Variants in RNF216 observed in about 807,000 individuals in gnomAD.
RNF216 encodes the protein E3 ubiquitin-protein ligase RNF216.
Under a neutral mutation model 110.8 loss-of-function variants are expected in RNF216, and 72 were observed. That is an observed-to-expected ratio of 0.65 (90% CI 0.54 to 0.79). The LOEUF (loss-of-function observed/expected upper bound fraction) is 0.79, where lower values mean the gene tolerates loss of function less well. Ranked by LOEUF, RNF216 falls within the 30% of genes least tolerant of loss-of-function variation. The probability of loss-of-function intolerance (pLI) is 0.00; values close to 1 mark genes in which losing one functional copy is unlikely to be tolerated. For synonymous variants in RNF216, 495 were observed against 407.5 expected, an observed-to-expected ratio of 1.21 and a Z score of -2.59; for missense variants, 1,342 against 1,141.2, an observed-to-expected ratio of 1.18 and a Z score of -2.54.
intron 13 of RNF216, among the ~76,000 whole-genome samples, chr7:5,679,960 T>A (rs908130269): frequency 2.0e-5 from 3 of 152,210 alleles, no homozygotes; most frequent in Admixed American, 2.0e-4. Flanking sequence ...AGCGAGTCCC[T>A]TAGGGTCCTG....
At chr7:5,735,202 G>C (rs1300853517) in intron 5 of RNF216, among the ~76,000 whole-genome samples, 3 of 152,098 alleles carry the variant, frequency 2.0e-5, no homozygotes, top group South Asian at 2.1e-4. Context: ...CAAGACAGGA[G>C]TCTAAAGTCG....
At chr7:5,728,804 C>G (rs1162315596) in intron 7 of RNF216, among the ~76,000 whole-genome samples, 1 of 152,178 alleles carries the variant, frequency 6.6e-6, no homozygotes, top group African/African-American at 2.4e-5. Flanking sequence ...GCAGTAAGAG[C>G]GACCAAGAGG....
intron 13 of RNF216, among the ~76,000 whole-genome samples, chr7:5,665,980 A>C (rs2128590187): frequency 6.6e-6 from 1 of 152,182 alleles, no homozygotes; most frequent in Middle Eastern, 3.4e-3. Flanking sequence ...CCTGGCTAAC[A>C]CGGTGAAACC....
chr7:5,628,145 A>T (rs916405574), intron 15 of RNF216, among the ~76,000 whole-genome samples: 1 of 152,116 alleles, frequency 6.6e-6, no homozygotes, highest in Non-Finnish European at 1.5e-5. Flanking sequence ...CCCTCCGAAG[A>T]CAGCCACCCC....
At chr7:5,649,205 G>A (rs557615022) in intron 14 of RNF216, among the ~76,000 whole-genome samples, 2 of 152,042 alleles carry the variant, frequency 1.3e-5, no homozygotes, top group South Asian at 2.1e-4. Context: ...AACCACGGCC[G>A]ACAAAGTAAA....
chr7:5,732,054 AGCC>A (rs1279763431), intron 5 of RNF216, among the ~76,000 whole-genome samples: 1 of 152,176 alleles, frequency 6.6e-6, no homozygotes, highest in African/African-American at 2.4e-5. Context: ...CTACCACCAC[AGCC>A]TGCCCAGTCC....
rs144580837 is a variant in RNF216 at position 5,711,765 on chromosome 7, C to G, written c.2057G>C (p.Arg686Pro). The change falls in exon 13 of 17, where the codon CGA becomes CCA. Residue 686 changes from arginine to proline, a missense_variant. Arg to Pro is a moderately radical substitution (Grantham distance 103, BLOSUM62 -2). Transcript: ENST00000389902. ...KRFSCPNPHC[R>P]KETCRKCQGL... is the part of the protein sequence containing the mutation. Reference sequence around the variant, plus strand: ...GAAAAAAATGTGCCTCCCTACCTTTCGGCAGTGAGGATTAGGACAGCTGAA... The same window carrying G: ...GAAAAAAATGTGCCTCCCTACCTTTGGGCAGTGAGGATTAGGACAGCTGAA... The G allele has an allele frequency of 6.2e-7, 1 of 1,612,452 alleles. No homozygotes were observed. Among genetic ancestry groups the G allele is most frequent in the Non-Finnish European group, 8.5e-7 (1 of 1,179,214 alleles).
intron 14 of RNF216, among the ~76,000 whole-genome samples, chr7:5,646,262 G>A (rs886559106): frequency 4.6e-5 from 7 of 152,074 alleles, no homozygotes; most frequent in Non-Finnish European, 1.0e-4. Flanking sequence ...CCAGCAACTC[G>A]TGAGGCTGAG....
Position 5,716,766 on chromosome 7 carries a change from G to A in RNF216, c.1645C>T (p.His549Tyr), listed in dbSNP as rs772336749. The A allele has an allele frequency of 6.2e-7, 1 of 1,604,380 alleles. No individual in the cohort carries two copies. The highest frequency in any genetic ancestry group is 8.5e-7 in the Non-Finnish European group (1 of 1,174,900). The change falls in exon 10 of 17, where the codon CAT (histidine) becomes TAT (tyrosine). Residue 549 changes from histidine (H) to tyrosine (Y), a missense_variant and splice_region_variant. Transcript: ENST00000389902. ...TGTAGGGCAAGCAAAAAGTCTTCAT[G>A]CTGAAGAACAAAAAAGGCACACATT... ...YEQKIKEMAE[H>Y]EDFLLALQMN...
chr7:5,671,311 G>C (rs935809645), intron 13 of RNF216, among the ~76,000 whole-genome samples: 2 of 152,152 alleles, frequency 1.3e-5, no homozygotes, highest in African/African-American at 4.8e-5. Flanking sequence ...TTTCCCAACT[G>C]AATCACACGT....
intron 14 of RNF216, among the ~76,000 whole-genome samples, chr7:5,644,803 G>T (rs1787952558): frequency 6.6e-6 from 1 of 151,382 alleles, no homozygotes; most frequent in Admixed American, 6.6e-5. Flanking sequence ...ACTGTGCCTG[G>T]CTGTTTGCCT....
chr7:5,688,051 C>T (rs1469136899), intron 13 of RNF216, among the ~76,000 whole-genome samples: 5 of 152,116 alleles, frequency 3.3e-5, no homozygotes, highest in East Asian at 3.8e-4. Context: ...AACTAGCGAC[C>T]GCAAATGGAA....
intron 1 of RNF216, chr7:5,779,947 C>G (rs1032517967): frequency 1.3e-5 from 2 of 151,938 alleles, no homozygotes; most frequent in Non-Finnish European, 1.5e-5. Context: ...TGCTCTGGTC[C>G]CCCACCTACA....
chr7:5,764,210 T>TAAA (rs79117988), intron 1 of RNF216, among the ~76,000 whole-genome samples: 11 of 115,698 alleles, frequency 9.5e-5, no homozygotes, highest in African/African-American at 3.1e-4. Flanking sequence ...ATAAACTAAT[T>TAAA]AAAAAAAAAA....
Position 5,729,567 on chromosome 7 carries a change from A to G in RNF216, c.1254T>C (p.Ser418=), listed in dbSNP as rs530598192. 2 of 1,614,224 alleles carry G rather than the reference A, an allele frequency of 1.2e-6. No individual in the cohort carries two copies. The highest frequency in any genetic ancestry group is 1.3e-5 in the African/African-American group (1 of 75,058). ...KLPKIDFFDY[S]KLTPLDQRCF... Reference sequence around the variant, plus strand: ...AGCGCTGGTCAAGAGGGGTCAATTTAGAATAGTCAAAAAAGTCTATTTTAG... The same window carrying G: ...AGCGCTGGTCAAGAGGGGTCAATTTGGAATAGTCAAAAAAGTCTATTTTAG... The change falls in exon 7 of 17, where the codon TCT becomes TCC. Residue 418 remains serine (S), a synonymous_variant. Coordinates refer to ENST00000389902, the MANE Select transcript of RNF216 (RefSeq NM_207111.4).
intron 1 of RNF216, among the ~76,000 whole-genome samples, chr7:5,771,789 C>T (rs1472348232): frequency 2.6e-5 from 4 of 151,968 alleles, no homozygotes; most frequent in African/African-American, 9.7e-5. Flanking sequence ...GGGAGTGAAA[C>T]CCTGTCCCCC....
chr7:5,676,708 G>A lies in RNF216; in HGVS notation c.2062-24198C>T, dbSNP rs116059089. Among the ~76,000 whole-genome samples the A allele has an allele frequency of 4.8e-3, 730 of 152,308 alleles. 2 individuals are homozygous for A. The highest frequency in any genetic ancestry group is 0.015 in the African/African-American group (643 of 41,560). On this transcript the variant is annotated intron_variant, in intron 13 of 16. Coordinates refer to ENST00000389902, the MANE Select transcript of RNF216 (RefSeq NM_207111.4). ...GGGCCCCCTATGCCCCTATTCTTAA[G>A]GAATAATGGCATTTCCGGCCTAACA...
intron 15 of RNF216, among the ~76,000 whole-genome samples, chr7:5,629,995 G>A (rs1173982130): frequency 2.0e-5 from 3 of 152,102 alleles, no homozygotes; most frequent in Non-Finnish European, 4.4e-5. Flanking sequence ...CCAGGCATAT[G>A]AGCATCACCA....
In RNF216 at chr7:5,741,726, T is replaced by C. The variant is rs1338799557; in HGVS notation, c.291A>G (p.Lys97=). The change falls in exon 4 of 17, where the codon AAA becomes AAG. Residue 97 remains lysine (K), a synonymous_variant. Coordinates refer to ENST00000389902, the MANE Select transcript of RNF216 (RefSeq NM_207111.4). ...DLKRLGEERP[K]KSRAAFESDK... is the part of the protein sequence containing the mutation. Reference sequence around the variant, plus strand: ...CTGATTCAAATGCTGCTCTAGACTTTTTAGGCCTTTCTTCTCCCAACCTTT... The same window carrying C: ...CTGATTCAAATGCTGCTCTAGACTTCTTAGGCCTTTCTTCTCCCAACCTTT... 1.9e-6 allele frequency: 3 copies of C among 1,614,208 alleles called. No homozygotes were observed. The highest frequency in any genetic ancestry group is 2.2e-5 in the East Asian group (1 of 44,876).
Sources: gnomAD v4.1 joint callset for allele counts (sites outside exome capture counted in the v4.1 genomes callset) on GRCh38, gnomAD v4.1.1 for gene constraint, MANE v1.5 for transcripts, NCBI Gene and HGNC (gene_info 2026-07-23, HGNC 2026-07-21) for gene names.